Variants in JPH2 observed in about 807,000 individuals in gnomAD.
The protein encoded by JPH2 is junctophilin 2, also known as junctophilin-2.
In JPH2, 38 loss-of-function variants were observed where a neutral mutation model predicts 55.9. The ratio of observed to expected loss-of-function variants is 0.68; its 90% CI spans 0.52 to 0.89. The LOEUF (loss-of-function observed/expected upper bound fraction) is 0.89. JPH2 is among the 40% of genes least tolerant of loss of function. JPH2 has a pLI of 0.00. For synonymous variants in JPH2, 480 were observed against 472.4 expected (o/e 1.02, Z -0.21); for missense variants, 964 against 1,037.6 (o/e 0.93, Z 0.97).
rs1173992077 is a variant in JPH2 at position 44,187,031 on chromosome 20, G to A, written c.-326C>T. On this transcript the variant is annotated 5_prime_UTR_variant, in exon 1 of 6. Transcript: ENST00000372980. ...CTTCCAAGAAGTCCAAGGGAAAACG[G>A]TGTGATCTCTTTAAGAAGCCCAGTG... 1.7e-5 allele frequency: 7 copies of A among 413,038 alleles called. No individual in the cohort carries two copies. The highest frequency in any genetic ancestry group is 3.1e-5 in the Non-Finnish European group (7 of 226,310). 25.6% of individuals were successfully genotyped at this position (413,038 alleles called of 1,614,324 possible). A position where few individuals can be genotyped will look rare whatever the true frequency, so the allele number is the denominator to read the frequency against.
chr20:44,152,957 C>T (rs1405554500), intron 2 of JPH2, among the ~76,000 whole-genome samples: 1 of 152,208 alleles, frequency 6.6e-6, no homozygotes, highest in Non-Finnish European at 1.5e-5. Flanking sequence ...ATTGATTTCG[C>T]ATTTTCAATA....
At chr20:44,165,208 A>T (rs1192706767) in intron 1 of JPH2, among the ~76,000 whole-genome samples, 1 of 152,038 alleles carries the variant, frequency 6.6e-6, no homozygotes, top group African/African-American at 2.4e-5. Context: ...TACATTTCAA[A>T]TGCATTTTAT....
At chr20:44,146,498 T>G (rs1222020217) in intron 2 of JPH2, among the ~76,000 whole-genome samples, 1 of 152,190 alleles carries the variant, frequency 6.6e-6, no homozygotes, top group East Asian at 1.9e-4. Flanking sequence ...CCTCAGTTTC[T>G]GGGCACAAAG....
intron 2 of JPH2, among the ~76,000 whole-genome samples, chr20:44,119,475 G>T (rs1324116809): frequency 6.6e-6 from 1 of 152,160 alleles, no homozygotes; most frequent in Non-Finnish European, 1.5e-5. Flanking sequence ...CCTTCACTGG[G>T]CAAATGTGCC....
At position 44,186,841 on chromosome 20, in the gene JPH2, G is replaced by A; in HGVS notation, c.-136C>T. The A allele has an allele frequency of 1.1e-6, 1 of 880,562 alleles. No homozygotes were observed. Among genetic ancestry groups the A allele is most frequent in the Non-Finnish European group, 1.7e-6 (1 of 571,916 alleles). The allele number at this position is 880,562 out of a possible 1,614,324, so 54.5% of individuals were successfully genotyped here. The stretch of plus-strand genomic sequence containing the variant: ...ACTGCACCCCAGGAGGGGGGAAGCA[G>A]GATGCCAGCAGAGGCTGAAAGAGCC... On this transcript the variant is annotated 5_prime_UTR_variant, in exon 1 of 6. Transcript: ENST00000372980.
intron 5 of JPH2, among the ~76,000 whole-genome samples, chr20:44,113,914 G>A (rs2072166033): frequency 6.6e-6 from 1 of 152,178 alleles, no homozygotes; most frequent in South Asian, 2.1e-4. Flanking sequence ...TACCAGGCTG[G>A]TATTGTCATT....
rs6031394 is a variant in JPH2, at chr20:44,111,590, A to G, written c.*1928T>C. On this transcript the variant is annotated 3_prime_UTR_variant, in exon 6 of 6. Transcript: ENST00000372980. ...GCTGCCCCTCAAGGATCGTGAGAAC[A>G]AGGACACAGATGGGAAGGACCCACG... is the stretch of plus-strand genomic sequence containing the variant. 80,821 of 151,938 alleles carry G rather than the reference A, an allele frequency of 0.53. 21,620 individuals are homozygous for G. The highest frequency in any genetic ancestry group is 0.6 in the African/African-American group (25,049 of 41,416). The allele number at this position is 151,938 out of a possible 1,614,324, so 9.4% of individuals were successfully genotyped here. A position where few individuals can be genotyped will look rare whatever the true frequency, so the allele number is the denominator to read the frequency against.
intron 2 of JPH2, among the ~76,000 whole-genome samples, chr20:44,139,604 G>C (rs905228698): frequency 2.0e-5 from 3 of 152,172 alleles, no homozygotes; most frequent in African/African-American, 7.2e-5. Flanking sequence ...AGTATAATAT[G>C]CTACTTTTTG....
In JPH2 at chr20:44,107,568, G is replaced by T. The variant is rs1197704566; in HGVS notation, c.*5950C>A. Among the ~76,000 whole-genome samples, 1 of 152,150 alleles carries T rather than the reference G, an allele frequency of 6.6e-6. No homozygotes were observed. Among genetic ancestry groups the T allele is most frequent in the Non-Finnish European group, 1.5e-5 (1 of 68,024 alleles). ...GATGCAGAGACCAAAAAAGCCCTAG[G>T]ATATGTAGAACCACAGATGGAAAAA... On this transcript the variant is annotated 3_prime_UTR_variant, in exon 6 of 6. Coordinates refer to ENST00000372980, the MANE Select transcript of JPH2 (RefSeq NM_020433.5).
At chr20:44,140,732 C>A (rs1441432614) in intron 2 of JPH2, among the ~76,000 whole-genome samples, 1 of 140,776 alleles carries the variant, frequency 7.1e-6, no homozygotes, top group Non-Finnish European at 1.6e-5. Context: ...CCACCGAGAT[C>A]TCACCCTTCA....
chr20:44,150,691 T>C (rs964097999), intron 2 of JPH2, among the ~76,000 whole-genome samples: 2 of 152,162 alleles, frequency 1.3e-5, no homozygotes, highest in Non-Finnish European at 2.9e-5. Flanking sequence ...ATATAGATCA[T>C]TGGAACAGAA....
chr20:44,177,182 G>A (rs958917494), intron 1 of JPH2: 35 of 985,414 alleles, frequency 3.6e-5, no homozygotes, highest in Admixed American at 1.2e-4. Flanking sequence ...GCTTCAGCTC[G>A]GGAAGGGATA....
At chr20:44,116,515 C>A in intron 3 of JPH2, 129 bp from the exon 4 acceptor site, 2 of 1,039,538 alleles carry the variant, frequency 1.9e-6, no homozygotes, top group Admixed American at 2.2e-5. Flanking sequence ...TGACCAAGTG[C>A]CAGGCACTGT....
intron 2 of JPH2, among the ~76,000 whole-genome samples, chr20:44,133,149 T>C (rs1175786081): frequency 8.2e-6 from 1 of 121,998 alleles, no homozygotes; most frequent in Non-Finnish European, 1.7e-5. Context: ...ACAGCTCCCA[T>C]GGCTGCTGGT....
Position 44,125,469 on chromosome 20 carries a change from T to C in JPH2, c.1170-6846A>G, listed in dbSNP as rs2072269060. Among the ~76,000 whole-genome samples, 5 of 152,174 alleles carry C rather than the reference T, an allele frequency of 3.3e-5. No homozygotes were observed. In the South Asian group the frequency reaches 1.0e-3, roughly 32 times the overall value. On this transcript the variant is annotated intron_variant, in intron 2 of 5. Coordinates refer to ENST00000372980, the MANE Select transcript of JPH2 (RefSeq NM_020433.5). ...GAGAGCTGGAGGCACGTTCTCAAGG[T>C]CACACACTAGAAAGTGAACCTGCCC...
intron 2 of JPH2, among the ~76,000 whole-genome samples, chr20:44,132,729 G>A (rs1400679221): frequency 4.4e-5 from 2 of 45,138 alleles, no homozygotes; most frequent in South Asian, 1.2e-3. Flanking sequence ...CACCCCCACC[G>A]TCCCCCTCCA....
At chr20:44,123,618 CTG>C (rs2072254802) in intron 2 of JPH2, among the ~76,000 whole-genome samples, 1 of 152,208 alleles carries the variant, frequency 6.6e-6, no homozygotes. Context: ...GGCGGAATGA[CTG>C]TGGCTGGGAG....
chr20:44,118,994 C>T (rs1482545149), intron 2 of JPH2, among the ~76,000 whole-genome samples: 2 of 152,200 alleles, frequency 1.3e-5, no homozygotes, highest in African/African-American at 2.4e-5. Flanking sequence ...GCTGAGTCCC[C>T]AGAATAGGGA....
At chr20:44,134,795 CATTT>C (rs1196537920) in intron 2 of JPH2, among the ~76,000 whole-genome samples, 1 of 89,328 alleles carries the variant, frequency 1.1e-5, no homozygotes, top group East Asian at 3.6e-4. Context: ...CATAAATATA[CATTT>C]ATTATAAATA....
Sources: allele counts gnomAD v4.1 joint callset (sites outside exome capture counted in the v4.1 genomes callset), GRCh38; gene constraint gnomAD v4.1.1; transcripts MANE v1.5; gene names NCBI Gene and HGNC (gene_info 2026-07-23, HGNC 2026-07-21).